The following PIK3R1 variants were observed in gnomAD, a reference collection of about 807,000 sequenced individuals.
PIK3R1 encodes phosphoinositide-3-kinase regulatory subunit 1.
In PIK3R1, 29 loss-of-function variants were observed where a neutral mutation model predicts 98.0. That is an observed-to-expected ratio of 0.30 (90% CI 0.22 to 0.40). The LOEUF is 0.40. Among genes scored for constraint, PIK3R1 ranks in the 10% least tolerant of loss-of-function variants. PIK3R1 has a pLI of 1.00. For synonymous variants in PIK3R1, 282 were observed against 311.8 expected (o/e 0.90, Z 1.01); for missense variants, 596 against 872.7 (o/e 0.68, Z 3.99).
intron 2 of PIK3R1, among the ~76,000 whole-genome samples, chr5:68,269,593 T>A (rs1746264393): frequency 6.6e-6 from 1 of 152,240 alleles, no homozygotes; most frequent in Non-Finnish European, 1.5e-5. Context: ...TCATTTCCTG[T>A]TGGAATTTCT....
intron 2 of PIK3R1, among the ~76,000 whole-genome samples, chr5:68,258,102 A>G (rs1204886798): frequency 6.6e-6 from 1 of 152,236 alleles, no homozygotes; most frequent in Non-Finnish European, 1.5e-5. Context: ...ATGCACTTAG[A>G]GTCAGGTTTT....
At chr5:68,266,127 G>A (rs1327350736) in intron 2 of PIK3R1, among the ~76,000 whole-genome samples, 1 of 152,208 alleles carries the variant, frequency 6.6e-6, no homozygotes, top group Non-Finnish European at 1.5e-5. Flanking sequence ...TAGTCTGCCA[G>A]TAGCATCTTT....
chr5:68,220,489 T>C (rs1459877850), intron 1 of PIK3R1, among the ~76,000 whole-genome samples: 1 of 152,218 alleles, frequency 6.6e-6, no homozygotes, highest in African/African-American at 2.4e-5. Flanking sequence ...TAATGGCTAC[T>C]GCGTGCCTAA....
In PIK3R1 at chr5:68,298,892, G is replaced by A; in HGVS notation, c.*1291G>A. On this transcript the variant is annotated 3_prime_UTR_variant, in exon 16 of 16. Coordinates refer to ENST00000521381, the MANE Select transcript of PIK3R1 (RefSeq NM_181523.3). ...GGGAGGGGGAATGTAGTGAAGGGAT[G>A]TATCAAGTGGGGTGGTGGGAGGGGG... The A allele has an allele frequency of 4.6e-6, 1 of 218,986 alleles. No homozygotes were observed. The highest frequency in any genetic ancestry group is 6.6e-5 in the East Asian group (1 of 15,120). The allele number at this position is 218,986 out of a possible 1,614,324, so 13.6% of individuals were successfully genotyped here. A position where few individuals can be genotyped will look rare whatever the true frequency, so the allele number is the denominator to read the frequency against.
intron 7 of PIK3R1, among the ~76,000 whole-genome samples, chr5:68,287,309 AT>A (rs143179702): frequency 6.6e-6 from 1 of 151,426 alleles, no homozygotes; most frequent in Non-Finnish European, 1.5e-5. Context: ...AGTTTTGTCC[AT>A]TTTTTTTTAC....
chr5:68,259,224 T>G (rs1315532055), intron 2 of PIK3R1, among the ~76,000 whole-genome samples: 1 of 152,202 alleles, frequency 6.6e-6, no homozygotes, highest in African/African-American at 2.4e-5. Flanking sequence ...ATTTTTATAT[T>G]GATTATATGT....
intron 7 of PIK3R1, among the ~76,000 whole-genome samples, chr5:68,286,814 A>G (rs1047793006): frequency 6.6e-6 from 1 of 152,246 alleles, no homozygotes; most frequent in Admixed American, 6.5e-5. Context: ...ATGTGAATCC[A>G]GACAGGTATG....
intron 2 of PIK3R1, among the ~76,000 whole-genome samples, chr5:68,254,760 CGT>C (rs1305509372): frequency 6.6e-6 from 1 of 151,766 alleles, no homozygotes; most frequent in African/African-American, 2.4e-5. Flanking sequence ...TACCCATAAT[CGT>C]GTTTCTTTTA....
chr5:68,276,664 G>T (rs1296896304), intron 4 of PIK3R1, among the ~76,000 whole-genome samples: 1 of 152,216 alleles, frequency 6.6e-6, no homozygotes, highest in Non-Finnish European at 1.5e-5. Context: ...TTAGAGAGCA[G>T]AAGTCAGATA....
At chr5:68,222,548 C>G (rs1328936882) in intron 1 of PIK3R1, among the ~76,000 whole-genome samples, 1 of 152,104 alleles carries the variant, frequency 6.6e-6, no homozygotes, top group Non-Finnish European at 1.5e-5. Flanking sequence ...GCCCAGTATT[C>G]TTTTATTCAC....
intron 2 of PIK3R1, among the ~76,000 whole-genome samples, chr5:68,245,772 GA>G (rs1745060516): frequency 6.6e-6 from 1 of 152,176 alleles, no homozygotes; most frequent in Non-Finnish European, 1.5e-5. Context: ...TTTAGCCACA[GA>G]AAATAAAGAC....
chr5:68,289,071 A>T (rs1561294310), intron 7 of PIK3R1, among the ~76,000 whole-genome samples: 2 of 152,118 alleles, frequency 1.3e-5, no homozygotes, highest in Non-Finnish European at 2.9e-5. Context: ...GCCACAGAAG[A>T]TCCAACAGCC....
intron 2 of PIK3R1, among the ~76,000 whole-genome samples, chr5:68,236,789 A>G (rs1466949129): frequency 6.6e-6 from 1 of 152,178 alleles, no homozygotes; most frequent in East Asian, 1.9e-4. Flanking sequence ...TTCACTAGCT[A>G]TTACATTCAT....
intron 2 of PIK3R1, among the ~76,000 whole-genome samples, chr5:68,269,903 G>T (rs1353486038): frequency 2.0e-5 from 3 of 151,302 alleles, no homozygotes; most frequent in Non-Finnish European, 4.4e-5. Flanking sequence ...AAAAATCCCT[G>T]TAAAATTTAC....
In PIK3R1 at chr5:68,299,236, A is replaced by AT. The variant is rs938107826; in HGVS notation, c.*1635_*1636insT. 6 of 233,434 alleles carry AT rather than the reference A, an allele frequency of 2.6e-5. No homozygotes were observed. In the Admixed American group the frequency reaches 2.8e-4, roughly 11 times the overall value. 14.5% of individuals were successfully genotyped at this position (233,434 alleles called of 1,614,324 possible). On this transcript the variant is annotated 3_prime_UTR_variant, in exon 16 of 16. Transcript: ENST00000521381. Reference sequence around the variant, plus strand: ...AAATACTCATTTTAGGAAAAAAAAAAGCATGATCTGAAAAATACTTTTGGT... The same window carrying AT: ...AAATACTCATTTTAGGAAAAAAAAAATGCATGATCTGAAAAATACTTTTGGT...
At position 68,236,212 on chromosome 5, in the gene PIK3R1, C is replaced by T. The variant is rs902291236; in HGVS notation, c.334+9203C>T. 3.3e-5 allele frequency among the ~76,000 whole-genome samples: 5 copies of T among 151,202 alleles called. No homozygotes were observed. In the East Asian group the frequency reaches 9.8e-4, roughly 30 times the overall value. On this transcript the variant is annotated intron_variant, in intron 2 of 15. Coordinates refer to ENST00000521381, the MANE Select transcript of PIK3R1 (RefSeq NM_181523.3). ...GACATTTTTCATTTGACGCTCACAA[C>T]CACCCTGCAAAGATGGCATATTATA...
chr5:68,235,401 AAAATAAATAAATAAATAAAT>A (rs145734363), intron 2 of PIK3R1, among the ~76,000 whole-genome samples: 10 of 145,404 alleles, frequency 6.9e-5, no homozygotes, highest in African/African-American at 1.0e-4. Flanking sequence ...AAAGTGTCTC[AAAATAAATAAATAAATAAAT>A]AAATAAATAA....
In PIK3R1 at chr5:68,299,933, T is replaced by C; in HGVS notation, c.*2332T>C. 4.3e-6 allele frequency: 1 copy of C among 233,270 alleles called. No homozygotes were observed. The highest frequency in any genetic ancestry group is 8.5e-6 in the Non-Finnish European group (1 of 118,040). The allele number at this position is 233,270 out of a possible 1,614,324, so 14.5% of individuals were successfully genotyped here. On this transcript the variant is annotated 3_prime_UTR_variant, in exon 16 of 16. Transcript: ENST00000521381. ...TTTAGTCTGCGTCTCTGCTTTAAAG[T>C]TATTGTGATATCCTTCTAGATCATA... is the stretch of plus-strand genomic sequence containing the variant.
At chr5:68,271,971 C>T (rs182175836) in intron 2 of PIK3R1, among the ~76,000 whole-genome samples, 1 of 152,130 alleles carries the variant, frequency 6.6e-6, no homozygotes, top group African/African-American at 2.4e-5. Context: ...AATTTGTTGG[C>T]CAGGTGCAGT....
Sources: gnomAD v4.1 joint callset for allele counts (sites outside exome capture counted in the v4.1 genomes callset) on GRCh38, gnomAD v4.1.1 for gene constraint, MANE v1.5 for transcripts, NCBI Gene and HGNC (gene_info 2026-07-23, HGNC 2026-07-21) for gene names.